The following TBX4 variants were observed in gnomAD, a reference collection of about 807,000 sequenced individuals.
TBX4 encodes T-box transcription factor TBX4.
Under a neutral mutation model 54.6 loss-of-function variants are expected in TBX4, and 13 were observed. The observed-to-expected ratio is 0.24, with a 90% confidence interval of 0.15 to 0.38. The LOEUF (loss-of-function observed/expected upper bound fraction) is 0.38, where lower values mean the gene tolerates loss of function less well. Ranked by LOEUF, TBX4 falls within the 10% of genes least tolerant of loss-of-function variation. The probability of loss-of-function intolerance (pLI) is 1.00; values close to 1 mark genes in which losing one functional copy is unlikely to be tolerated. For synonymous variants in TBX4, 314 were observed against 306.7 expected (o/e 1.02, Z -0.25); for missense variants, 631 against 728.5 (o/e 0.87, Z 1.54).
rs2060458193 is a variant in TBX4, at chr17:61,457,205, CTGTCTG to C, written c.187-325_187-320del. Among the ~76,000 whole-genome samples the C allele has an allele frequency of 6.6e-6, 1 of 152,126 alleles. No homozygotes were observed. ...TGGCCGAGGGTGCGTGCGCCTCTCC[CTGTCTG>C]TGTCTGCCCCGGGAGCCTGTGGCGA... On this transcript the variant is annotated intron_variant, in intron 2 of 8. Coordinates refer to ENST00000644296, the MANE Select transcript of TBX4 (RefSeq NM_001321120.2). This position sits in a 1 kb window ranked among gnomAD's most constrained non-coding sequence, Gnocchi z 8.2.
chr17:61,473,527 A>G lies in TBX4; in HGVS notation c.550-5100A>G, dbSNP rs117138253. Among the ~76,000 whole-genome samples the G allele has an allele frequency of 1.8e-3, 280 of 152,248 alleles. 1 individual carries two copies. The highest frequency in any genetic ancestry group is 3.1e-3 in the Admixed American group (48 of 15,306). On this transcript the variant is annotated intron_variant, in intron 5 of 8. Transcript: ENST00000644296. ...AATCTGCCAGTGGGGACCCAGAGCT[A>G]TTTATCTCCCTCTTTCCTCCTTTCC...
chr17:61,457,464 G>A lies in TBX4; in HGVS notation c.187-73G>A. On this transcript the variant is annotated intron_variant, in intron 2 of 8. Transcript: ENST00000644296. The surrounding 1 kb of genome is among the most constrained non-coding windows in gnomAD (Gnocchi z 8.2). ...GGTTCCGCACAGCTCTTCGGGTCTG[G>A]TTCTTCTTTCCTCAGGCTCCGCGTG... 2.7e-6 allele frequency: 4 copies of A among 1,463,110 alleles called. No homozygotes were observed. Among genetic ancestry groups the A allele is most frequent in the Non-Finnish European group, 3.8e-6 (4 of 1,042,844 alleles). 90.6% of individuals were successfully genotyped at this position (1,463,110 alleles called of 1,614,324 possible).
chr17:61,467,840 G>A (rs918630802), intron 5 of TBX4, among the ~76,000 whole-genome samples, 183 bp downstream of exon 5: 7 of 152,296 alleles, frequency 4.6e-5, no homozygotes, highest in South Asian at 2.1e-4. Flanking sequence ...CTTCCTTCCC[G>A]GCCACTTACT....
chr17:61,483,436 C>T lies in TBX4; in HGVS notation c.1561C>T (p.Gln521Ter). Residue 521 changes from glutamine (Q) to a stop codon, truncating the protein, a stop_gained, in exon 9 of 9, where the codon CAA (glutamine) becomes TAA (stop). Coordinates refer to ENST00000644296, the MANE Select transcript of TBX4 (RefSeq NM_001321120.2). LOFTEE classifies it high-confidence loss of function. This position sits in a 1 kb window ranked among gnomAD's most constrained non-coding sequence, Gnocchi z 6.6. ...LNAANEFLYS[Q>*]TFSLSRESSL... ...TGCTGCCAATGAGTTTCTCTACTCT[C>T]AAACCTTCTCCTTGTCCCGAGAATC... The T allele has an allele frequency of 6.2e-7, 1 of 1,614,190 alleles. No homozygotes were observed. Among genetic ancestry groups the T allele is most frequent in the South Asian group, 1.1e-5 (1 of 91,070 alleles).
Position 61,457,709 on chromosome 17 carries a change from C to A in TBX4, c.281+78C>A, listed in dbSNP as rs2060463244. The A allele has an allele frequency of 1.4e-6, 2 of 1,398,094 alleles. No individual in the cohort carries two copies. Among genetic ancestry groups the A allele is most frequent in the Non-Finnish European group, 2.0e-6 (2 of 997,362 alleles). The allele number at this position is 1,398,094 out of a possible 1,614,324, so 86.6% of individuals were successfully genotyped here. ...CAGGGAGGTCCCTTAGAAGTCCTCT[C>A]GGCCCCGGCCTGGTGGCCTGTGGGA... On this transcript the variant is annotated intron_variant, in intron 3 of 8. Coordinates refer to ENST00000644296, the MANE Select transcript of TBX4 (RefSeq NM_001321120.2). This position sits in a 1 kb window ranked among gnomAD's most constrained non-coding sequence, Gnocchi z 8.2.
rs1350781689 is a variant in TBX4, at chr17:61,456,517, G to A, written c.27G>A (p.Glu9=). Residue 9 remains glutamate (E), a synonymous_variant, in exon 2 of 9, where the codon GAG becomes GAA. Transcript: ENST00000644296. ...TGCTGCAGGATAAGGGCCTGTCCGA[G>A]AGCGAGGAGGCCTTCCGGGCCCCGG... MLQDKGLS[E]SEEAFRAPGP... is the part of the protein sequence containing the mutation. The A allele has an allele frequency of 6.4e-7, 1 of 1,567,658 alleles. No homozygotes were observed. The highest frequency in any genetic ancestry group is 1.9e-5 in the Admixed American group (1 of 53,356).
At chr17:61,468,514 T>G (rs1306000772) in intron 5 of TBX4, among the ~76,000 whole-genome samples, 1 of 152,210 alleles carries the variant, frequency 6.6e-6, no homozygotes, top group Non-Finnish European at 1.5e-5. Flanking sequence ...GGTTACGAGA[T>G]GTGCAGGTAT....
In TBX4 at chr17:61,472,117, G is replaced by GT. The variant is rs958442949; in HGVS notation, c.549+4467dup. On this transcript the variant is annotated intron_variant, in intron 5 of 8. Coordinates refer to ENST00000644296, the MANE Select transcript of TBX4 (RefSeq NM_001321120.2). This position sits in a 1 kb window ranked among gnomAD's most constrained non-coding sequence, Gnocchi z 4.5. ...CCAGTTCTTGTTGAAGGAATTAGAT[G>GT]TTTTTTTATTCTTTGCTCTTCTGAT... 5.9e-5 allele frequency among the ~76,000 whole-genome samples: 9 copies of GT among 152,112 alleles called. No homozygotes were observed. Among genetic ancestry groups the GT allele is most frequent in the South Asian group, 4.2e-4 (2 of 4,812 alleles).
chr17:61,466,876 C>G (rs1156340737), intron 4 of TBX4, among the ~76,000 whole-genome samples: 1 of 152,182 alleles, frequency 6.6e-6, no homozygotes, highest in Non-Finnish European at 1.5e-5. Context: ...CATAATCATA[C>G]CAGGTGTAGC....
chr17:61,458,441 T>C (rs2060470966), intron 3 of TBX4, among the ~76,000 whole-genome samples: 1 of 152,086 alleles, frequency 6.6e-6, no homozygotes, highest in Non-Finnish European at 1.5e-5. Context: ...CCACCCACTC[T>C]ATCCCCTGCA....
Position 61,483,372 on chromosome 17 carries a change from C to T in TBX4, c.1497C>T (p.Pro499=), listed in dbSNP as rs755651888. 1.2e-6 allele frequency: 2 copies of T among 1,610,040 alleles called. No individual in the cohort carries two copies. The highest frequency in any genetic ancestry group is 1.3e-5 in the African/African-American group (1 of 74,962). The change falls in exon 9 of 9, where the codon CCC becomes CCT. Residue 499 remains proline (P), a synonymous_variant. Coordinates refer to ENST00000644296, the MANE Select transcript of TBX4 (RefSeq NM_001321120.2). The surrounding 1 kb of genome is among the most constrained non-coding windows in gnomAD (Gnocchi z 6.6). The stretch of plus-strand genomic sequence containing the variant: ...CATTCCCAAGAGAGCGCGGCCTCCC[C>T]CAAGGGTGTGAGAGGAAGCCACCCT... ...SASFPRERGL[P]QGCERKPPSP...
At chr17:61,473,919 C>T (rs1325038223) in intron 5 of TBX4, among the ~76,000 whole-genome samples, 7 of 152,180 alleles carry the variant, frequency 4.6e-5, no homozygotes, top group Non-Finnish European at 1.0e-4. Context: ...ACGGTACCAC[C>T]CCAGTGTTGC....
At chr17:61,454,391 AC>A (rs1436249475) in intron 1 of TBX4, among the ~76,000 whole-genome samples, 1 of 152,276 alleles carries the variant, frequency 6.6e-6, no homozygotes, top group Non-Finnish European at 1.5e-5. Context: ...TGCGGGCCGC[AC>A]CCGCGGAGGA....
At chr17:61,466,524 T>C (rs1724932815) in intron 4 of TBX4, among the ~76,000 whole-genome samples, 1 of 152,200 alleles carries the variant, frequency 6.6e-6, no homozygotes, top group South Asian at 2.1e-4. Context: ...AAATAAACGC[T>C]GGGCTACCTT....
In TBX4 at chr17:61,456,576, C is replaced by T. The variant is rs971863326; in HGVS notation, c.86C>T (p.Ala29Val). ...PALGEASAAN[A>V]PEPALAAPGL... is the part of the protein sequence containing the mutation. ...CTCGGAGAGGCCAGCGCAGCCAACG[C>T]CCCCGAGCCCGCGCTGGCAGCGCCG... The change falls in exon 2 of 9, where the codon GCC becomes GTC. Residue 29 changes from alanine to valine, a missense_variant. By Grantham distance (64) the Ala-to-Val change is moderately conservative. Coordinates refer to ENST00000644296, the MANE Select transcript of TBX4 (RefSeq NM_001321120.2). The T allele has an allele frequency of 3.9e-6, 6 of 1,536,856 alleles. No individual in the cohort carries two copies. The highest frequency in any genetic ancestry group is 2.8e-5 in the African/African-American group (2 of 71,730).
Position 61,474,435 on chromosome 17 carries a change from T to C in TBX4, c.550-4192T>C, listed in dbSNP as rs1440301687. Among the ~76,000 whole-genome samples the C allele has an allele frequency of 6.6e-6, 1 of 152,152 alleles. No homozygotes were observed. The highest frequency in any genetic ancestry group is 1.5e-5 in the Non-Finnish European group (1 of 68,040). ...CGAGTCACGTCTCCACTACCAGCATTCTGTTCCTCATCTGTAAAATTAGAG... is the reference window on the plus strand; with the variant it reads ...CGAGTCACGTCTCCACTACCAGCATCCTGTTCCTCATCTGTAAAATTAGAG... On this transcript the variant is annotated intron_variant, in intron 5 of 8. Transcript: ENST00000644296. This position sits in a 1 kb window ranked among gnomAD's most constrained non-coding sequence, Gnocchi z 4.6.
In TBX4 at chr17:61,482,991, T is replaced by C. The variant is rs1460330373; in HGVS notation, c.1116T>C (p.Pro372=). Residue 372 remains proline, a synonymous_variant, in exon 9 of 9, where the codon CCT becomes CCC. Coordinates refer to ENST00000644296, the MANE Select transcript of TBX4 (RefSeq NM_001321120.2). ...VGEDHYFRSP[P]PYDQQMLSPS... ...AGGATCACTATTTCCGTTCCCCCCC[T>C]CCCTACGACCAGCAAATGCTGAGCC... 2 of 1,613,508 alleles carry C rather than the reference T, an allele frequency of 1.2e-6. No homozygotes were observed. Among genetic ancestry groups the C allele is most frequent in the Non-Finnish European group, 1.7e-6 (2 of 1,179,850 alleles).
In TBX4 at chr17:61,474,664, G is replaced by A. The variant is rs527605029; in HGVS notation, c.550-3963G>A. Among the ~76,000 whole-genome samples, 2 of 152,356 alleles carry A rather than the reference G, an allele frequency of 1.3e-5. No individual in the cohort carries two copies. Among genetic ancestry groups the A allele is most frequent in the South Asian group, 2.1e-4 (1 of 4,826 alleles). ...ATAATGAATCCCATTTCTGTGAAACGATGATGACGGAACCAGTCATGTAGT... is the reference window on the plus strand; with the variant it reads ...ATAATGAATCCCATTTCTGTGAAACAATGATGACGGAACCAGTCATGTAGT... On this transcript the variant is annotated intron_variant, in intron 5 of 8. Coordinates refer to ENST00000644296, the MANE Select transcript of TBX4 (RefSeq NM_001321120.2). The surrounding 1 kb of genome is among the most constrained non-coding windows in gnomAD (Gnocchi z 4.6).
chr17:61,454,506 G>T (rs1260414857), intron 1 of TBX4, among the ~76,000 whole-genome samples: 1 of 152,252 alleles, frequency 6.6e-6, no homozygotes, highest in Non-Finnish European at 1.5e-5. Context: ...CGAGAGGACC[G>T]CGAGGACGGC....
Sources: allele counts gnomAD v4.1 joint callset (sites outside exome capture counted in the v4.1 genomes callset), GRCh38; gene constraint gnomAD v4.1.1; non-coding constraint Gnocchi (gnomAD v3.1); transcripts MANE v1.5; gene names NCBI Gene and HGNC (gene_info 2026-07-23, HGNC 2026-07-21).